TMEM165: variants seen among roughly 807,000 people sequenced by gnomAD.
TMEM165 encodes putative divalent cation/proton antiporter TMEM165.
Under a neutral mutation model 30.0 loss-of-function variants are expected in TMEM165, and 19 were observed. That is an observed-to-expected ratio of 0.63 (90% CI 0.44 to 0.93). The LOEUF (loss-of-function observed/expected upper bound fraction) is 0.93. TMEM165 is among the 40% of genes least tolerant of loss of function. The pLI, the probability that TMEM165 is intolerant of heterozygous loss-of-function variation, is 0.00. For synonymous variants in TMEM165, 168 were observed against 162.9 expected, an observed-to-expected ratio of 1.03 and a Z score of -0.24; for missense variants, 340 against 417.0, an observed-to-expected ratio of 0.82 and a Z score of 1.61.
intron 1 of TMEM165, 37 bp downstream of exon 1, chr4:55,396,433 G>T (rs2109510202): frequency 7.2e-7 from 1 of 1,379,880 alleles, no homozygotes; most frequent in Non-Finnish European, 9.3e-7. Context: ...AGGCTGCAGG[G>T]CCGGCTGCGC....
At chr4:55,404,471 G>A (rs998170881) in intron 1 of TMEM165, among the ~76,000 whole-genome samples, 4 of 151,832 alleles carry the variant, frequency 2.6e-5, no homozygotes, top group African/African-American at 9.7e-5. Flanking sequence ...TGTCGCCCTG[G>A]CTGGAGTTCA....
At chr4:55,429,237 T>TCA (rs767786918), downstream of TMEM165, 6 of 152,220 alleles carry the variant, frequency 3.9e-5, no homozygotes, top group Non-Finnish European at 7.3e-5. Flanking sequence ...AAACGTATCT[T>TCA]CAGTTTAACC....
rs924510582 is a variant in TMEM165, at chr4:55,411,496, G to A, written c.208-118G>A. On this transcript the variant is annotated intron_variant, in intron 1 of 5. Coordinates refer to ENST00000381334, the MANE Select transcript of TMEM165 (RefSeq NM_018475.5). The stretch of plus-strand genomic sequence containing the variant: ...TGATGGCTTTCAGAGTGATTAGACA[G>A]TAAATAAGTGTAATGACCATGACAA... The A allele has an allele frequency of 1.3e-5, 11 of 861,036 alleles. No homozygotes were observed. In the African/African-American group the frequency reaches 1.7e-4, roughly 13 times the overall value. The allele number at this position is 861,036 out of a possible 1,614,324, so 53.3% of individuals were successfully genotyped here.
In TMEM165 at chr4:55,434,308, A is replaced by G. The variant is rs533491586; in HGVS notation, c.408+9665A>G. The G allele has an allele frequency of 6.5e-5, 10 of 152,790 alleles. No homozygotes were observed. The South Asian group carries it at 2.1e-3, about 32-fold the overall frequency. 9.5% of individuals were successfully genotyped at this position (152,790 alleles called of 1,614,324 possible). A position where few individuals can be genotyped will look rare whatever the true frequency, so the allele number is the denominator to read the frequency against. On this transcript the variant is annotated intron_variant, in intron 3 of 3. Coordinates refer to the TMEM165 transcript ENST00000608091. ...ATAAAAAAGATTTCAACAAATCCCA[A>G]AAGTTAAAATTCCCATGATTGAGAA...
At chr4:55,435,102 C>G (rs1033292686) in intron 3 of TMEM165, 10 of 372,124 alleles carry the variant, frequency 2.7e-5, no homozygotes, top group South Asian at 2.0e-4. Context: ...CTTTCTGATT[C>G]CCTGGAGGTC....
chr4:55,411,623 A>C lies in TMEM165; in HGVS notation c.217A>C (p.Thr73Pro). ...PEPARVEKIF[T>P]PAAPVHTNKE... is the part of the protein sequence containing the mutation. ...GATTTTTTTTTTCCAGAAAATATTT[A>C]CACCAGCAGCTCCAGTTCATACCAA... Residue 73 changes from threonine to proline, a missense_variant, in exon 2 of 6, where the codon ACA becomes CCA. By Grantham distance (38) the Thr-to-Pro change is conservative. Transcript: ENST00000381334. 2 of 1,609,386 alleles carry C rather than the reference A, an allele frequency of 1.2e-6. No individual in the cohort carries two copies. The highest frequency in any genetic ancestry group is 1.7e-6 in the Non-Finnish European group (2 of 1,178,656).
chr4:55,403,492 CTTTTTCTTT>C (rs1207469550), intron 1 of TMEM165, among the ~76,000 whole-genome samples: 3 of 124,492 alleles, frequency 2.4e-5, no homozygotes, highest in South Asian at 2.6e-4. Context: ...GTGCCTTTTT[CTTTTTCTTT>C]TTTTTTTTTT....
At chr4:55,443,967 C>A in intron 3 of TMEM165, 1 of 1,350,860 alleles carries the variant, frequency 7.4e-7, no homozygotes, top group Admixed American at 1.9e-5. Context: ...AAAAAGAAGG[C>A]AAAATCAAGC....
chr4:55,417,091 C>T lies in TMEM165; in HGVS notation c.453C>T (p.Thr151=). The stretch of plus-strand genomic sequence containing the variant: ...TTCCAGTTTTGTTTGGCTATGCCAC[C>T]ACAGTCATCCCCAGGGTCTATACAT... ...TCLSVLFGYA[T]TVIPRVYTYY... Residue 151 remains threonine (T), a synonymous_variant, in exon 3 of 6, where the codon ACC becomes ACT. Transcript: ENST00000381334. The T allele has an allele frequency of 1.2e-6, 2 of 1,600,614 alleles. No individual in the cohort carries two copies. The highest frequency in any genetic ancestry group is 1.7e-6 in the Non-Finnish European group (2 of 1,175,470).
chr4:55,406,941 C>G (rs1476974304), intron 1 of TMEM165, among the ~76,000 whole-genome samples: 1 of 152,236 alleles, frequency 6.6e-6, no homozygotes, highest in Non-Finnish European at 1.5e-5. Context: ...CAGGCATGAG[C>G]CACTGAGCCC....
Position 55,402,503 on chromosome 4 carries a change from A to G in TMEM165, c.207+6107A>G, listed in dbSNP as rs1336938420. On this transcript the variant is annotated intron_variant, in intron 1 of 5. Coordinates refer to ENST00000381334, the MANE Select transcript of TMEM165 (RefSeq NM_018475.5). ...CTCACTGTCACCCAGGCTGGAGTGC[A>G]GTGGTGAGATCTTGGTTCACTTCAA... is the stretch of plus-strand genomic sequence containing the variant. Among the ~76,000 whole-genome samples, 3 of 116,036 alleles carry G rather than the reference A, an allele frequency of 2.6e-5. No individual in the cohort carries two copies. In the Admixed American group the frequency reaches 3.2e-4, roughly 12 times the overall value. 76.1% of individuals were successfully genotyped at this position (116,036 alleles called of 152,430 possible).
intron 1 of TMEM165, chr4:55,403,354 TCAATACAGTCAC>T: frequency 8.3e-7 from 1 of 1,203,498 alleles, no homozygotes; most frequent in African/African-American, 1.7e-5. Context: ...TGTATCAATT[TCAATACAGTCAC>T]ATTTGTGTTT....
intron 1 of TMEM165, among the ~76,000 whole-genome samples, chr4:55,398,302 A>G (rs1720816075): frequency 6.6e-6 from 1 of 152,234 alleles, no homozygotes; most frequent in African/African-American, 2.4e-5. Flanking sequence ...AATCTGGGAG[A>G]TAAAGTTACT....
chr4:55,400,679 G>T (rs964333870), intron 1 of TMEM165, among the ~76,000 whole-genome samples: 1 of 149,086 alleles, frequency 6.7e-6, no homozygotes, highest in South Asian at 2.1e-4. Flanking sequence ...CTGGTGATCC[G>T]CCTGCCTCGG....
intron 1 of TMEM165, among the ~76,000 whole-genome samples, chr4:55,406,952 A>G (rs1281201980): frequency 6.6e-6 from 1 of 152,268 alleles, no homozygotes; most frequent in Non-Finnish European, 1.5e-5. Flanking sequence ...CACTGAGCCC[A>G]GCCGACATTT....
rs150999274 is a variant in TMEM165, at chr4:55,396,435, C to T, written c.207+39C>T. The stretch of plus-strand genomic sequence containing the variant: ...GATGGGGCGAGCGAGGCTGCAGGGC[C>T]GGCTGCGCCGAGTACCAGGCTCCAG... On this transcript the variant is annotated intron_variant, in intron 1 of 5. Transcript: ENST00000381334. 1.1e-4 allele frequency: 147 copies of T among 1,379,268 alleles called. No homozygotes were observed. The African/African-American group carries it at 2.0e-3, about 19-fold the overall frequency. The allele number at this position is 1,379,268 out of a possible 1,614,324, so 85.4% of individuals were successfully genotyped here.
intron 3 of TMEM165, chr4:55,442,769 A>G: frequency 1.3e-6 from 1 of 791,444 alleles, no homozygotes; most frequent in Non-Finnish European, 2.1e-6. Context: ...TCTGGGGGAA[A>G]TATAACCACA....
At chr4:55,446,236 G>T (rs1723838716) in intron 3 of TMEM165, among the ~76,000 whole-genome samples, 2 of 151,508 alleles carry the variant, frequency 1.3e-5, no homozygotes, top group Admixed American at 1.3e-4. Context: ...TGGGACTACA[G>T]GCATATGCCA....
chr4:55,430,071 TATAA>T (rs994396840), downstream of TMEM165: 2 of 152,200 alleles, frequency 1.3e-5, no homozygotes, highest in East Asian at 1.9e-4. Context: ...TATTTTAAAA[TATAA>T]ATAAATACAT....
Sources: allele counts gnomAD v4.1 joint callset (sites outside exome capture counted in the v4.1 genomes callset), GRCh38; gene constraint gnomAD v4.1.1; transcripts MANE v1.5; gene names NCBI Gene and HGNC (gene_info 2026-07-23, HGNC 2026-07-21).